The following NSD1 variants were observed in gnomAD, a reference collection of about 807,000 sequenced individuals.
NSD1 encodes the protein histone-lysine N-methyltransferase, H3 lysine-36 specific.
Under a neutral mutation model 242.7 loss-of-function variants are expected in NSD1, and 26 were observed. That is an observed-to-expected ratio of 0.11 (90% CI 0.08 to 0.15). The LOEUF (loss-of-function observed/expected upper bound fraction) is 0.15, where lower values mean the gene tolerates loss of function less well. NSD1 is among the 10% of genes least tolerant of loss of function. The probability of loss-of-function intolerance (pLI) is 1.00; values close to 1 mark genes in which losing one functional copy is unlikely to be tolerated. For missense variants in NSD1, 2,495 were observed against 3,272.8 expected, an observed-to-expected ratio of 0.76 and a Z score of 5.80; for synonymous variants, 1,106 against 1,178.1, an observed-to-expected ratio of 0.94 and a Z score of 1.25.
Position 177,223,847 on chromosome 5 carries a change from G to A in NSD1, c.3796+11652G>A, listed in dbSNP as rs539432487. On this transcript the variant is annotated intron_variant, in intron 5 of 22. Transcript: ENST00000439151. The stretch of plus-strand genomic sequence containing the variant: ...CTAAAAATACAAAAAGTAGTCAGGT[G>A]TAGTGACACATGCCTGTAATCCCAG... 2.6e-5 allele frequency among the ~76,000 whole-genome samples: 4 copies of A among 152,162 alleles called. No individual in the cohort carries two copies. In the East Asian group the frequency reaches 7.8e-4, roughly 30 times the overall value.
chr5:177,173,168 T>TAC (rs1759861989), intron 2 of NSD1, among the ~76,000 whole-genome samples: 1 of 150,986 alleles, frequency 6.6e-6, no homozygotes, highest in Admixed American at 6.6e-5. Flanking sequence ...GGCAGGTGCC[T>TAC]GTAGTCCCAG....
chr5:177,266,094 C>G, intron 14 of NSD1: 1 of 1,129,072 alleles, frequency 8.9e-7, no homozygotes, highest in Non-Finnish European at 1.4e-6. Context: ...GTGGCCGTCA[C>G]ATACAGTGTG....
chr5:177,198,273 G>T (rs908171324), intron 3 of NSD1, among the ~76,000 whole-genome samples: 7 of 152,088 alleles, frequency 4.6e-5, no homozygotes, highest in Non-Finnish European at 8.8e-5. Flanking sequence ...TGATCCTCCC[G>T]CCTTGGCCTC....
Position 177,238,957 on chromosome 5 carries a change from A to C in NSD1, c.4192+450A>C, listed in dbSNP as rs937851146. ...TGTGTAATGTTATATACCTGACAAC[A>C]TAGTAATTACCAGTTCATTAGAAGT... is the stretch of plus-strand genomic sequence containing the variant. On this transcript the variant is annotated intron_variant, in intron 7 of 22. Coordinates refer to ENST00000439151, the MANE Select transcript of NSD1 (RefSeq NM_022455.5). The surrounding 1 kb of genome is among the most constrained non-coding windows in gnomAD (Gnocchi z 4.6). Among the ~76,000 whole-genome samples, 1 of 152,238 alleles carries C rather than the reference A, an allele frequency of 6.6e-6. No homozygotes were observed. The highest frequency in any genetic ancestry group is 6.5e-5 in the Admixed American group (1 of 15,292).
intron 2 of NSD1, among the ~76,000 whole-genome samples, chr5:177,157,602 T>A (rs1314948649): frequency 6.6e-6 from 1 of 151,986 alleles, no homozygotes; most frequent in Non-Finnish European, 1.5e-5. Context: ...GGACGCTGAG[T>A]CTGCACTCAG....
intron 17 of NSD1, among the ~76,000 whole-genome samples, chr5:177,278,328 T>G (rs1027122348): frequency 6.6e-6 from 1 of 152,202 alleles, no homozygotes; most frequent in East Asian, 1.9e-4. Flanking sequence ...TGGTCTGGTC[T>G]TGAACTTCTG....
intron 17 of NSD1, among the ~76,000 whole-genome samples, chr5:177,277,493 C>T (rs1758492849): frequency 1.3e-5 from 2 of 152,160 alleles, no homozygotes; most frequent in Non-Finnish European, 2.9e-5. Flanking sequence ...AGTTACTTAA[C>T]TCCTGATCTA....
intron 2 of NSD1, among the ~76,000 whole-genome samples, chr5:177,155,698 T>C (rs901870294): frequency 3.3e-5 from 5 of 152,100 alleles, no homozygotes; most frequent in African/African-American, 4.8e-5. Context: ...TATTTGTTTA[T>C]TTTTTGAGAC....
chr5:177,246,900 A>C, intron 10 of NSD1, 104 bp downstream of exon 10: 2 of 841,844 alleles, frequency 2.4e-6, no homozygotes, highest in Admixed American at 3.6e-5. Flanking sequence ...ATACTATTCT[A>C]CTGAAATGGC....
chr5:177,207,593 A>ATTTTTTTTTTTTTTTT lies in NSD1; in HGVS notation c.1237-2029_1237-2014dup, dbSNP rs150492535. Among the ~76,000 whole-genome samples the ATTTTTTTTTTTTTTTT allele has an allele frequency of 1.9e-4, 15 of 78,220 alleles. 1 individual carries two copies. The highest frequency in any genetic ancestry group is 1.1e-3 in the African/African-American group (15 of 14,182). The allele number at this position is 78,220 out of a possible 152,430, so 51.3% of individuals were successfully genotyped here. Reference sequence around the variant, plus strand: ...CACCGTGCCTGGCCTATTTATTTAAATTTTTTTTTTTTTTTTTTTTTTTTT... The same window carrying ATTTTTTTTTTTTTTTT: ...CACCGTGCCTGGCCTATTTATTTAAATTTTTTTTTTTTTTTTTTTTTTTTTTTTTTTTTTTTTTTTT... On this transcript the variant is annotated intron_variant, in intron 4 of 22. Transcript: ENST00000439151.
rs193252239 is a variant in NSD1, at chr5:177,174,997, G to A, written c.928-16887G>A. On this transcript the variant is annotated intron_variant, in intron 2 of 22. Transcript: ENST00000439151. ...CGCCATTCTCCTGCCTCAGCCTCCC[G>A]AGTAGCTAGGACTACAGGCACCCGC... Among the ~76,000 whole-genome samples the A allele has an allele frequency of 3.3e-3, 476 of 146,080 alleles. 4 individuals carry two copies. Among genetic ancestry groups the A allele is most frequent in the African/African-American group, 0.012 (452 of 39,300 alleles).
At chr5:177,142,185 T>TA (rs1456528210) in intron 2 of NSD1, among the ~76,000 whole-genome samples, 1 of 152,178 alleles carries the variant, frequency 6.6e-6, no homozygotes, top group Non-Finnish European at 1.5e-5. Flanking sequence ...CGCATTTACT[T>TA]CTGTGTTCAT....
chr5:177,173,632 C>T (rs949503901), intron 2 of NSD1, among the ~76,000 whole-genome samples: 1 of 151,990 alleles, frequency 6.6e-6, no homozygotes. Context: ...TGCCACCACA[C>T]CCAGCTAATT....
At chr5:177,204,333 A>G in intron 4 of NSD1, 41 bp downstream of exon 4, 1 of 1,573,072 alleles carries the variant, frequency 6.4e-7, no homozygotes, top group Non-Finnish European at 8.7e-7. Flanking sequence ...GACAGAAGCA[A>G]GTAAGAAAAA....
intron 5 of NSD1, among the ~76,000 whole-genome samples, chr5:177,223,942 T>C (rs1209078183): frequency 1.3e-5 from 2 of 152,208 alleles, no homozygotes; most frequent in Non-Finnish European, 2.9e-5. Flanking sequence ...GCTGAGATCA[T>C]GCCACTGCAC....
intron 2 of NSD1, among the ~76,000 whole-genome samples, chr5:177,172,050 G>T (rs1353819596): frequency 6.6e-6 from 1 of 152,176 alleles, no homozygotes; most frequent in Non-Finnish European, 1.5e-5. Flanking sequence ...AGTCTTTGCT[G>T]TATACCTTTG....
chr5:177,221,312 T>A (rs1216705759), intron 5 of NSD1, among the ~76,000 whole-genome samples: 1 of 152,050 alleles, frequency 6.6e-6, no homozygotes, highest in Non-Finnish European at 1.5e-5. Context: ...TTTTTTTTTT[T>A]AATTGACATA....
rs1412956450 is a variant in NSD1, at chr5:177,212,186, C to A, written c.3787C>A (p.Pro1263Thr). 1 of 1,613,536 alleles carries A rather than the reference C, an allele frequency of 6.2e-7. No individual in the cohort carries two copies. The highest frequency in any genetic ancestry group is 8.5e-7 in the Non-Finnish European group (1 of 1,179,978). ...CAGTTTGACACCACAGGCTGAGCTC[C>A]CTGAACCAGGTAAGGACATCTAAAT... ...IPSLTPQAELPEPAVRSEKKR... is the reference protein window; with the variant it reads ...IPSLTPQAELTEPAVRSEKKR... The change falls in exon 5 of 23, where the codon CCT becomes ACT. Residue 1263 changes from proline (P) to threonine (T), a missense_variant. Transcript: ENST00000439151.
intron 4 of NSD1, among the ~76,000 whole-genome samples, chr5:177,207,197 C>A (rs567176445): frequency 6.6e-6 from 1 of 152,262 alleles, no homozygotes; most frequent in Middle Eastern, 3.4e-3. Flanking sequence ...TCCCCCCGAC[C>A]TTGGCCTCTC....
Sources: gnomAD v4.1 joint callset for allele counts (sites outside exome capture counted in the v4.1 genomes callset) on GRCh38, gnomAD v4.1.1 for gene constraint, Gnocchi (gnomAD v3.1) non-coding constraint, MANE v1.5 for transcripts, NCBI Gene and HGNC (gene_info 2026-07-23, HGNC 2026-07-21) for gene names.